Variants in VAMP7 observed in about 807,000 individuals in gnomAD.
VAMP7 encodes vesicle-associated membrane protein 7.
Under a neutral mutation model 29.6 loss-of-function variants are expected in VAMP7, and 14 were observed. The observed-to-expected ratio is 0.47, with a 90% CI of 0.31 to 0.74. VAMP7 has a LOEUF of 0.74. Ranked by LOEUF, VAMP7 falls within the 30% of genes least tolerant of loss-of-function variation. The probability of loss-of-function intolerance (pLI) is 0.05; values close to 1 mark genes in which losing one functional copy is unlikely to be tolerated. For synonymous variants in VAMP7, 95 were observed against 88.1 expected (o/e 1.08, Z -0.44); for missense variants, 223 against 262.4 (o/e 0.85, Z 1.04).
At chrX:155,905,608 A>G (rs947518295) in intron 5 of VAMP7, among the ~76,000 whole-genome samples, 36 of 152,154 alleles carry the variant, frequency 2.4e-4, no homozygotes, top group African/African-American at 8.4e-4. Flanking sequence ...ATCCAACTTA[A>G]TTCTGTTGAA....
At chrX:155,905,428 A>G (rs1393833132) in intron 5 of VAMP7, among the ~76,000 whole-genome samples, 3 of 152,000 alleles carry the variant, frequency 2.0e-5, no homozygotes, top group African/African-American at 7.2e-5. Context: ...ATGAAGTCCA[A>G]TTTATTTTTT....
chrX:155,938,610 C>G (rs747044340), intron 6 of VAMP7, among the ~76,000 whole-genome samples: 1 of 152,276 alleles, frequency 6.6e-6, no homozygotes, highest in Admixed American at 6.5e-5. Flanking sequence ...AGTCACTACT[C>G]TTCTCCAAAG....
intron 1 of VAMP7, among the ~76,000 whole-genome samples, chrX:155,885,210 C>T (rs2065851189): frequency 6.6e-6 from 1 of 152,086 alleles, no homozygotes; most frequent in Admixed American, 6.6e-5. Flanking sequence ...TTTCTTTAGT[C>T]CCTTAACATA....
At chrX:155,883,563 A>G (rs2065829337) in intron 1 of VAMP7, among the ~76,000 whole-genome samples, 1 of 152,216 alleles carries the variant, frequency 6.6e-6, no homozygotes, top group Non-Finnish European at 1.5e-5. Flanking sequence ...ATAATGATAC[A>G]GAATACTTTT....
intron 5 of VAMP7, among the ~76,000 whole-genome samples, chrX:155,909,384 A>G (rs2066200711): frequency 6.6e-6 from 1 of 152,056 alleles, no homozygotes; most frequent in Non-Finnish European, 1.5e-5. Flanking sequence ...TGGTCATTCT[A>G]CGTAAAGGTT....
intron 2 of VAMP7, among the ~76,000 whole-genome samples, chrX:155,893,465 G>T (rs924666719): frequency 1.0e-3 from 153 of 152,182 alleles, no homozygotes; most frequent in African/African-American, 3.7e-3. Flanking sequence ...GAGGGAAAGG[G>T]ACTATGATAT....
intron 1 of VAMP7, among the ~76,000 whole-genome samples, chrX:155,888,710 G>A (rs896044611): frequency 2.0e-5 from 3 of 152,116 alleles, no homozygotes; most frequent in Admixed American, 2.0e-4. Context: ...TGGAAGCTTT[G>A]AGTTATTTTC....
rs979599584 is a variant in VAMP7, at chrX:155,890,517, T to C, written c.146+905T>C. ...CTGGGATTACAGGCGTGCACCACCATGCCCAGCTAATTTTTGTATTTTTAG... is the reference window on the plus strand; with the variant it reads ...CTGGGATTACAGGCGTGCACCACCACGCCCAGCTAATTTTTGTATTTTTAG... On this transcript the variant is annotated intron_variant, in intron 2 of 7. Transcript: ENST00000286448. 5.3e-5 allele frequency among the ~76,000 whole-genome samples: 8 copies of C among 152,072 alleles called. No homozygotes were observed. The South Asian group carries it at 8.3e-4, about 16-fold the overall frequency.
rs778453493 is a variant in VAMP7, at chrX:155,941,804, G to T, written c.595-79G>T. On this transcript the variant is annotated intron_variant, in intron 7 of 7. Transcript: ENST00000286448. ...TGGAATCAGAAGTATTTCTTAATAA[G>T]GCTCTACTTTCCTATATATATTATT... is the stretch of plus-strand genomic sequence containing the variant. 3.1e-5 allele frequency: 44 copies of T among 1,439,258 alleles called. No homozygotes were observed. In the African/African-American group the frequency reaches 6.1e-4, roughly 20 times the overall value. 89.2% of individuals were successfully genotyped at this position (1,439,258 alleles called of 1,614,324 possible).
chrX:155,891,389 G>T (rs75589921), intron 2 of VAMP7, among the ~76,000 whole-genome samples: 17,445 of 151,942 alleles, frequency 0.11, 1,373 homozygotes, highest in South Asian at 0.24. Flanking sequence ...ACTGTGTTTG[G>T]CTCCAAGTCC....
At position 155,881,462 on chromosome X, in the gene VAMP7, G is replaced by C. The variant is rs2065800223; in HGVS notation, c.-10+14G>C. On this transcript the variant is annotated intron_variant, in intron 1 of 7. Transcript: ENST00000286448. ...GTGCCCGGACAGGTAAATGGAGTGGGGTGCGCCTGCGGGAGGCGGGGAGAG... is the reference window on the plus strand; with the variant it reads ...GTGCCCGGACAGGTAAATGGAGTGGCGTGCGCCTGCGGGAGGCGGGGAGAG... 1 of 882 alleles carries C rather than the reference G, an allele frequency of 1.1e-3. No individual in the cohort carries two copies. Among genetic ancestry groups the C allele is most frequent in the Admixed American group, 0.05 (1 of 20 alleles). The allele number at this position is 882 out of a possible 1,614,324, so 0.1% of individuals were successfully genotyped here.
At chrX:155,935,925 A>G (rs935200719) in intron 6 of VAMP7, among the ~76,000 whole-genome samples, 24 of 151,792 alleles carry the variant, frequency 1.6e-4, no homozygotes, top group Non-Finnish European at 2.6e-4. Flanking sequence ...AACAGTCAGG[A>G]CCCTCAGCTG....
intron 1 of VAMP7, among the ~76,000 whole-genome samples, chrX:155,887,937 CAA>C (rs771113450): frequency 4.5e-4 from 44 of 98,548 alleles, no homozygotes; most frequent in Middle Eastern, 5.2e-3. Flanking sequence ...GACCCTGTCT[CAA>C]AAAAAAAAAA....
chrX:155,923,041 A>G (rs1245005276), intron 6 of VAMP7, among the ~76,000 whole-genome samples: 1 of 151,842 alleles, frequency 6.6e-6, no homozygotes, highest in East Asian at 1.9e-4. Flanking sequence ...TTAAAGTGGC[A>G]TTTTTCCACT....
At chrX:155,882,373 A>G (rs1273279987) in intron 1 of VAMP7, among the ~76,000 whole-genome samples, 1 of 152,216 alleles carries the variant, frequency 6.6e-6, no homozygotes, top group South Asian at 2.1e-4. Flanking sequence ...TGGTTAATGC[A>G]AAATAAAACA....
chrX:155,900,894 T>C (rs1016132758), intron 5 of VAMP7, among the ~76,000 whole-genome samples: 20 of 152,114 alleles, frequency 1.3e-4, no homozygotes, highest in African/African-American at 4.8e-4. Flanking sequence ...TGAGTTAATG[T>C]ATCACGGGTT....
At chrX:155,903,344 A>C (rs1442692593) in intron 5 of VAMP7, among the ~76,000 whole-genome samples, 2 of 152,158 alleles carry the variant, frequency 1.3e-5, no homozygotes, top group African/African-American at 2.4e-5. Context: ...CAAAAGCCAA[A>C]ATTGACAAAT....
At position 155,942,030 on chromosome X, in the gene VAMP7, A is replaced by T; in HGVS notation, c.*79A>T. The T allele has an allele frequency of 6.2e-7, 1 of 1,611,834 alleles. No homozygotes were observed. Among genetic ancestry groups the T allele is most frequent in the Non-Finnish European group, 8.5e-7 (1 of 1,178,748 alleles). ...AATCCATGTGACTCAAGCCTTTCAC[A>T]TACTGACAGATGGTATCTGCCAGTC... is the stretch of plus-strand genomic sequence containing the variant. On this transcript the variant is annotated 3_prime_UTR_variant, in exon 8 of 8. Transcript: ENST00000286448.
chrX:155,940,727 G>A (rs927961615), intron 7 of VAMP7, among the ~76,000 whole-genome samples: 3 of 152,088 alleles, frequency 2.0e-5, no homozygotes, highest in African/African-American at 7.2e-5. Flanking sequence ...TATTACAGCT[G>A]TGACAAATAG....
Sources: allele counts gnomAD v4.1 joint callset (sites outside exome capture counted in the v4.1 genomes callset), GRCh38; gene constraint gnomAD v4.1.1; transcripts MANE v1.5; gene names NCBI Gene and HGNC (gene_info 2026-07-23, HGNC 2026-07-21).